ABHD18: variants seen among roughly 807,000 people sequenced by gnomAD.
The protein encoded by ABHD18 is cardiolipin-specific deacylase, mitochondrial.
Under a neutral mutation model 65.9 loss-of-function variants are expected in ABHD18, and 55 were observed. The ratio of observed to expected loss-of-function variants is 0.84; its 90% CI spans 0.67 to 1.05. The LOEUF is 1.05. Among genes scored for constraint, ABHD18 ranks in the 50% least tolerant of loss-of-function variants. The probability of loss-of-function intolerance (pLI) is 0.00; values close to 1 mark genes in which losing one functional copy is unlikely to be tolerated. For synonymous variants in ABHD18, 181 were observed against 180.2 expected (o/e 1.00, Z -0.04); for missense variants, 533 against 558.5 (o/e 0.95, Z 0.46).
intron 3 of ABHD18, among the ~76,000 whole-genome samples, chr4:127,989,472 C>T (rs1290963744): frequency 6.6e-6 from 1 of 151,820 alleles, no homozygotes; most frequent in African/African-American, 2.4e-5. Context: ...GTGATGGATA[C>T]CCCAATTACC....
intron 12 of ABHD18, 123 bp from the exon 13 acceptor site, chr4:128,035,639 C>A (rs539025072): frequency 3.8e-5 from 22 of 582,682 alleles, no homozygotes; most frequent in Non-Finnish European, 6.5e-5. Flanking sequence ...TATTTCATAG[C>A]TATTTAGAGA....
chr4:127,986,582 G>A (rs189107577), intron 3 of ABHD18, among the ~76,000 whole-genome samples: 4 of 152,324 alleles, frequency 2.6e-5, no homozygotes, highest in Admixed American at 6.5e-5. Flanking sequence ...ATACTGAAGA[G>A]TTTAATTATT....
rs1457684333 is a variant in ABHD18 at position 128,039,268 on chromosome 4, C to T, written c.*3455C>T. 1.3e-5 allele frequency: 2 copies of T among 149,592 alleles called. No homozygotes were observed. Among genetic ancestry groups the T allele is most frequent in the Non-Finnish European group, 1.5e-5 (1 of 67,634 alleles). 9.3% of individuals were successfully genotyped at this position (149,592 alleles called of 1,614,324 possible). Reference sequence around the variant, plus strand: ...TAAAATATTAGAAATTCATTTAGACCAGATCTGTAAACTGGTAGTTCACAT... The same window carrying T: ...TAAAATATTAGAAATTCATTTAGACTAGATCTGTAAACTGGTAGTTCACAT... On this transcript the variant is annotated 3_prime_UTR_variant, in exon 13 of 13. Coordinates refer to ENST00000645843, the MANE Select transcript of ABHD18 (RefSeq NM_001358451.3).
intron 4 of ABHD18, among the ~76,000 whole-genome samples, chr4:127,998,964 A>G (rs1752228283): frequency 6.6e-6 from 1 of 152,162 alleles, no homozygotes; most frequent in Non-Finnish European, 1.5e-5. Flanking sequence ...CAAAGCAGTT[A>G]TGCAGCTATG....
chr4:128,011,439 C>G (rs900680066), intron 6 of ABHD18, among the ~76,000 whole-genome samples: 1 of 150,744 alleles, frequency 6.6e-6, no homozygotes, highest in African/African-American at 2.4e-5. Context: ...TGAGCCACCG[C>G]GCCCGGCCTA....
In ABHD18 at chr4:128,021,138, G is replaced by A. The variant is rs1374754682; in HGVS notation, c.701G>A (p.Gly234Asp). 3.3e-6 allele frequency: 5 copies of A among 1,531,380 alleles called. No individual in the cohort carries two copies. Among genetic ancestry groups the A allele is most frequent in the Admixed American group, 2.0e-5 (1 of 50,678 alleles). 94.9% of individuals were successfully genotyped at this position (1,531,380 alleles called of 1,614,324 possible). ...WSTASGVFTT[G>D]VLSKSINWRE... ...TCTTAATTTAGCTTATTATTTCAGG[G>A]TGTGTTGAGTAAATCAATTAATTGG... is the stretch of plus-strand genomic sequence containing the variant. The change falls in exon 10 of 13, where the codon GGT becomes GAT. Residue 234 changes from glycine to aspartate, a missense_variant and splice_region_variant. Around this residue, in one of 3 missense-constraint regions of ABHD18, gnomAD observed 309 missense variants for 313.5 expected, o/e 0.99. Transcript: ENST00000645843.
intron 3 of ABHD18, among the ~76,000 whole-genome samples, chr4:127,986,979 C>A (rs533696930): frequency 6.6e-6 from 1 of 152,272 alleles, no homozygotes; most frequent in African/African-American, 2.4e-5. Context: ...TTTATTCTTA[C>A]CAAGTTGCCA....
chr4:127,989,732 A>G lies in ABHD18; in HGVS notation c.189A>G (p.Gln63=). ...TGATTTTCTTTTAGATTGAAGAGCAATCAGATTGTAAGATCTTAGATGGAC... is the reference window on the plus strand; with the variant it reads ...TGATTTTCTTTTAGATTGAAGAGCAGTCAGATTGTAAGATCTTAGATGGAC... ...YPVHIDKIEE[Q]SDCKILDGHF... Residue 63 remains glutamine, a synonymous_variant, in exon 4 of 13, where the codon CAA becomes CAG. Transcript: ENST00000645843. 1 of 1,582,194 alleles carries G rather than the reference A, an allele frequency of 6.3e-7. No individual in the cohort carries two copies. The highest frequency in any genetic ancestry group is 8.6e-7 in the Non-Finnish European group (1 of 1,164,172).
intron 1 of ABHD18, among the ~76,000 whole-genome samples, chr4:127,979,294 G>T (rs1051873949): frequency 4.0e-5 from 6 of 151,628 alleles, no homozygotes; most frequent in African/African-American, 1.2e-4. Context: ...GGTGGCTCAT[G>T]CCTGTAATCC....
At position 128,033,524 on chromosome 4, in the gene ABHD18, C is replaced by CTTTTTTTTTTTTTTT. The variant is rs869099600; in HGVS notation, c.1344-2232_1344-2218dup. Among the ~76,000 whole-genome samples the CTTTTTTTTTTTTTTT allele has an allele frequency of 3.8e-4, 41 of 108,632 alleles. No homozygotes were observed. The East Asian group carries it at 4.7e-3, about 12-fold the overall frequency. The allele number at this position is 108,632 out of a possible 152,430, so 71.3% of individuals were successfully genotyped here. A position where few individuals can be genotyped will look rare whatever the true frequency, so the allele number is the denominator to read the frequency against. ...GCAGGCTATCAGTTTCAAAGATAGT[C>CTTTTTTTTTTTTTTT]TTTTTTTTTTTTTTTTTTTTGTCTT... is the stretch of plus-strand genomic sequence containing the variant. On this transcript the variant is annotated intron_variant, in intron 12 of 12. Transcript: ENST00000645843.
At chr4:128,021,307 T>C (rs2149168395) in intron 10 of ABHD18, 69 bp downstream of exon 10, 4 of 947,356 alleles carry the variant, frequency 4.2e-6, no homozygotes, top group East Asian at 2.6e-5. Context: ...TGATTCAGGT[T>C]TTTAAAGAGA....
In ABHD18 at chr4:128,036,029, T is replaced by C. The variant is rs1758852857; in HGVS notation, c.*216T>C. On this transcript the variant is annotated 3_prime_UTR_variant, in exon 13 of 13. Transcript: ENST00000645843. ...GAAGTAAATAATGTTAAAGTGTTTT[T>C]ACTATTGTTTATTGGAATCCCATAT... 2.7e-6 allele frequency: 1 copy of C among 374,284 alleles called. No individual in the cohort carries two copies. The highest frequency in any genetic ancestry group is 2.1e-5 in the African/African-American group (1 of 48,450). 23.2% of individuals were successfully genotyped at this position (374,284 alleles called of 1,614,324 possible).
At chr4:127,984,008 G>A (rs147381895) in intron 2 of ABHD18, among the ~76,000 whole-genome samples, 4,625 of 151,888 alleles carry the variant, frequency 0.03, 306 homozygotes, top group East Asian at 0.27. Context: ...CACTGCACTC[G>A]CCTGGGTGAC....
At chr4:128,011,774 C>A in intron 7 of ABHD18, 74 bp downstream of exon 7, 11 of 1,025,868 alleles carry the variant, frequency 1.1e-5, no homozygotes, top group Non-Finnish European at 1.4e-5. Flanking sequence ...TGGTTGCCTT[C>A]AGTTAACCAT....
intron 6 of ABHD18, among the ~76,000 whole-genome samples, chr4:128,010,742 CT>C (rs1164312586): frequency 1.3e-5 from 2 of 151,866 alleles, no homozygotes; most frequent in Non-Finnish European, 2.9e-5. Flanking sequence ...GGCAAAACCC[CT>C]ATCTCTACTA....
intron 7 of ABHD18, among the ~76,000 whole-genome samples, chr4:128,013,277 T>A (rs1421428081): frequency 6.6e-6 from 1 of 152,116 alleles, no homozygotes; most frequent in Admixed American, 6.6e-5. Flanking sequence ...ATTGAAATGA[T>A]GCAGGAAAGA....
At chr4:128,004,653 G>A (rs148845344) in intron 4 of ABHD18, among the ~76,000 whole-genome samples, 1,638 of 152,244 alleles carry the variant, frequency 0.011, 27 homozygotes, top group African/African-American at 0.036. Context: ...GTTCACGCCT[G>A]TAATCCCAGC....
chr4:128,001,594 G>A, intron 4 of ABHD18: 2 of 911,762 alleles, frequency 2.2e-6, no homozygotes, highest in Non-Finnish European at 1.5e-6. Context: ...TTATTTATAT[G>A]TAAAGATGCC....
rs973929436 is a variant in ABHD18, at chr4:128,011,813, G to T, written c.470+113G>T. 2.5e-5 allele frequency: 11 copies of T among 438,952 alleles called. 1 individual carries two copies. Among genetic ancestry groups the T allele is most frequent in the Non-Finnish European group, 4.2e-5 (11 of 261,248 alleles). The allele number at this position is 438,952 out of a possible 1,614,324, so 27.2% of individuals were successfully genotyped here. A position where few individuals can be genotyped will look rare whatever the true frequency, so the allele number is the denominator to read the frequency against. On this transcript the variant is annotated intron_variant, in intron 7 of 12. Coordinates refer to ENST00000645843, the MANE Select transcript of ABHD18 (RefSeq NM_001358451.3). ...TAAATTGAATACCTAAATATTATGG[G>T]GGGGGGGAGTTCTGTTATGAAACTG...
Sources: allele counts gnomAD v4.1 joint callset (sites outside exome capture counted in the v4.1 genomes callset), GRCh38; gene constraint gnomAD v4.1.1; regional missense constraint gnomAD v4.1.1; transcripts MANE v1.5; gene names NCBI Gene and HGNC (gene_info 2026-07-23, HGNC 2026-07-21).